The following THNSL1 variants were observed in gnomAD, a reference collection of about 807,000 sequenced individuals.
THNSL1 encodes threonine synthase like 1, also known as threonine synthase-like 1.
THNSL1 carries 48 observed loss-of-function variants against 50.4 expected under a neutral mutation model. The ratio of observed to expected loss-of-function variants is 0.95; its 90% CI spans 0.76 to 1.21. THNSL1 has a LOEUF of 1.21. Ranked by LOEUF, THNSL1 falls within the 50% of genes most tolerant of loss-of-function variation. The pLI is 0.00. For synonymous variants in THNSL1, 309 were observed against 306.1 expected (o/e 1.01, Z -0.10); for missense variants, 896 against 871.7 (o/e 1.03, Z -0.35).
chr10:24,954,347 G>C, the THNSL1 span, among the ~76,000 whole-genome samples: 3 of 151,860 alleles, frequency 2.0e-5, no homozygotes, highest in African/African-American at 7.3e-5. Context: ...CATGCTTTAG[G>C]GGATTCCACT....
intron 1 of THNSL1, among the ~76,000 whole-genome samples, chr10:25,020,329 C>G (rs11014348): frequency 0.25 from 38,047 of 151,142 alleles, 5,675 homozygotes; most frequent in East Asian, 0.5. Flanking sequence ...AATTTAAAAA[C>G]AAGAGGGTAG....
At chr10:25,000,805 T>C in the THNSL1 span, among the ~76,000 whole-genome samples, 4,396 of 152,246 alleles carry the variant, frequency 0.029, 226 homozygotes, top group East Asian at 0.24. Context: ...GCTTAAAGTT[T>C]CCAGCTTGCT....
chr10:24,956,442 A>G, the THNSL1 span, among the ~76,000 whole-genome samples: 3 of 151,178 alleles, frequency 2.0e-5, no homozygotes, highest in African/African-American at 4.9e-5. Flanking sequence ...ACATTTTAGC[A>G]GTAGTTTCTC....
upstream of THNSL1, among the ~76,000 whole-genome samples, chr10:25,012,751 G>A (rs978934575): frequency 3.3e-5 from 5 of 152,178 alleles, no homozygotes; most frequent in Non-Finnish European, 5.9e-5. Flanking sequence ...GGACTTGCCT[G>A]GTCTCAAATG....
the THNSL1 span, among the ~76,000 whole-genome samples, chr10:24,959,089 G>T: frequency 6.6e-6 from 1 of 152,154 alleles, no homozygotes; most frequent in Non-Finnish European, 1.5e-5. Context: ...AGCATCTGAG[G>T]GTCCTGTAGC....
chr10:24,952,815 G>A, the THNSL1 span, among the ~76,000 whole-genome samples: 2 of 151,644 alleles, frequency 1.3e-5, no homozygotes, highest in East Asian at 3.9e-4. The surrounding 1 kb of genome is among the most constrained non-coding windows in gnomAD (Gnocchi z 5.1). Flanking sequence ...CAGCTGCCAA[G>A]CCGCTACCGC....
the THNSL1 span, among the ~76,000 whole-genome samples, chr10:24,962,328 T>A: frequency 6.6e-6 from 1 of 152,220 alleles, no homozygotes; most frequent in Non-Finnish European, 1.5e-5. Context: ...CCCCATTTTT[T>A]AAATTATTGC....
At chr10:24,956,214 G>T in the THNSL1 span, among the ~76,000 whole-genome samples, 1 of 151,904 alleles carries the variant, frequency 6.6e-6, no homozygotes, top group African/African-American at 2.4e-5. Flanking sequence ...GCAGGGGTTA[G>T]GTGTACAGAT....
rs761128254 is a variant in THNSL1, at chr10:25,025,480, TC to T, written c.*26del. Reference sequence around the variant, plus strand: ...AAAGCTTTCAGAGTAAATTTTTTTTTCTAGCTATAAGCATGCAATAATAAAT... The same window carrying T: ...AAAGCTTTCAGAGTAAATTTTTTTTTTAGCTATAAGCATGCAATAATAAAT... On this transcript the variant is annotated 3_prime_UTR_variant, in exon 3 of 3. Transcript: ENST00000376356. 1.9e-6 allele frequency: 3 copies of T among 1,578,336 alleles called. No individual in the cohort carries two copies. Among genetic ancestry groups the T allele is most frequent in the Non-Finnish European group, 2.6e-6 (3 of 1,165,876 alleles).
the THNSL1 span, among the ~76,000 whole-genome samples, chr10:24,990,811 T>G: frequency 2.1e-4 from 32 of 152,266 alleles, no homozygotes; most frequent in African/African-American, 7.5e-4. Context: ...GAGTTGTTAT[T>G]GCCCAGGCAT....
the THNSL1 span, chr10:24,952,406 G>T: frequency 8.6e-7 from 1 of 1,164,054 alleles, no homozygotes; most frequent in Non-Finnish European, 1.2e-6. This position sits in a 1 kb window ranked among gnomAD's most constrained non-coding sequence, Gnocchi z 5.1. Flanking sequence ...TCCCCGCCGG[G>T]AGGGAGAACA....
chr10:24,984,827 T>C, the THNSL1 span: 1 of 1,613,874 alleles, frequency 6.2e-7, no homozygotes, highest in East Asian at 2.2e-5. Flanking sequence ...TGCTTGCGGA[T>C]CTTCTTTGGT....
the THNSL1 span, chr10:24,952,473 G>A: frequency 6.6e-7 from 1 of 1,525,440 alleles, no homozygotes; most frequent in Non-Finnish European, 8.9e-7. The surrounding 1 kb of genome is among the most constrained non-coding windows in gnomAD (Gnocchi z 5.1). Context: ...TACAAGCAGG[G>A]TGCCAGGGAG....
At chr10:24,990,388 T>A in the THNSL1 span, 4 of 1,518,500 alleles carry the variant, frequency 2.6e-6, no homozygotes, top group Non-Finnish European at 3.5e-6. Flanking sequence ...ACTTTAATCA[T>A]CAAAGTGATG....
the THNSL1 span, among the ~76,000 whole-genome samples, chr10:24,992,416 T>C: frequency 6.6e-6 from 1 of 152,190 alleles, no homozygotes; most frequent in African/African-American, 2.4e-5. Context: ...CTGACAAATA[T>C]TCTGTTCTCC....
In THNSL1 at chr10:25,025,449, C is replaced by A; in HGVS notation, c.2226C>A (p.Phe742Leu). 2 of 1,593,078 alleles carry A rather than the reference C, an allele frequency of 1.3e-6. No individual in the cohort carries two copies. Among genetic ancestry groups the A allele is most frequent in the Non-Finnish European group, 1.7e-6 (2 of 1,172,478 alleles). ...TGGAACAACTTGTCCAAAATCAATTCATATGAAAGCTTTCAGAGTAAATTT... is the reference window on the plus strand; with the variant it reads ...TGGAACAACTTGTCCAAAATCAATTAATATGAAAGCTTTCAGAGTAAATTT... ...SHVEQLVQNQFI is the reference protein window; with the variant it reads ...SHVEQLVQNQLI Residue 742 changes from phenylalanine to leucine, a missense_variant, in exon 3 of 3, where the codon TTC becomes TTA. By Grantham distance (22) the Phe-to-Leu change is conservative. Coordinates refer to ENST00000376356, the MANE Select transcript of THNSL1 (RefSeq NM_024838.5).
the THNSL1 span, among the ~76,000 whole-genome samples, chr10:25,007,096 A>G: frequency 6.6e-6 from 1 of 152,234 alleles, no homozygotes; most frequent in South Asian, 2.1e-4. Context: ...CCTGGCAGAC[A>G]CAGTCTTATT....
chr10:25,006,218 T>A, the THNSL1 span, among the ~76,000 whole-genome samples: 1 of 152,142 alleles, frequency 6.6e-6, no homozygotes, highest in African/African-American at 2.4e-5. Context: ...TTTTGTTTAG[T>A]TATGTTATCG....
the THNSL1 span, among the ~76,000 whole-genome samples, chr10:24,999,906 C>G: frequency 2.0e-5 from 3 of 152,220 alleles, no homozygotes; most frequent in South Asian, 6.2e-4. Context: ...TATGAATCTT[C>G]TTATAGAACC....
Sources: gnomAD v4.1 joint callset for allele counts (sites outside exome capture counted in the v4.1 genomes callset) on GRCh38, gnomAD v4.1.1 for gene constraint, Gnocchi (gnomAD v3.1) non-coding constraint, MANE v1.5 for transcripts, NCBI Gene and HGNC (gene_info 2026-07-23, HGNC 2026-07-21) for gene names.